The following TMEM87A variants were observed in gnomAD, a reference collection of about 807,000 sequenced individuals.
TMEM87A encodes Golgi-pH regulating cation channel.
Under a neutral mutation model 90.0 loss-of-function variants are expected in TMEM87A, and 50 were observed. That is an observed-to-expected ratio of 0.56 (90% CI 0.44 to 0.70). The LOEUF (loss-of-function observed/expected upper bound fraction) is 0.70. Ranked by LOEUF, TMEM87A falls within the 30% of genes least tolerant of loss-of-function variation. The probability of loss-of-function intolerance (pLI) is 0.00; values close to 1 mark genes in which losing one functional copy is unlikely to be tolerated. For missense variants in TMEM87A, 577 were observed against 660.5 expected, an observed-to-expected ratio of 0.87 and a Z score of 1.39; for synonymous variants, 226 against 226.7, an observed-to-expected ratio of 1.00 and a Z score of 0.03.
At chr15:42,212,908 G>C (rs1471405612) in intron 19 of TMEM87A, among the ~76,000 whole-genome samples, 1 of 152,184 alleles carries the variant, frequency 6.6e-6, no homozygotes, top group African/African-American at 2.4e-5. Flanking sequence ...TGGAGAAAGT[G>C]ATGTCAGCAA....
chr15:42,211,022 T>C lies in TMEM87A; in HGVS notation c.*686A>G, dbSNP rs2050275222. 6.6e-6 allele frequency: 1 copy of C among 152,656 alleles called. No individual in the cohort carries two copies. Among genetic ancestry groups the C allele is most frequent in the South Asian group, 2.1e-4 (1 of 4,832 alleles). The allele number at this position is 152,656 out of a possible 1,614,324, so 9.5% of individuals were successfully genotyped here. On this transcript the variant is annotated 3_prime_UTR_variant, in exon 20 of 20. Coordinates refer to ENST00000389834, the MANE Select transcript of TMEM87A (RefSeq NM_015497.5). ...GCAGATGTCAAAAGAGTTAAGCTAA[T>C]ATTTCTCTTTAAAGTACATCTGAAA...
chr15:42,256,121 T>A (rs1407623135), intron 6 of TMEM87A, among the ~76,000 whole-genome samples: 2 of 152,056 alleles, frequency 1.3e-5, no homozygotes, highest in East Asian at 3.9e-4. Flanking sequence ...TGAAATAGGA[T>A]GGAGGTACTG....
intron 15 of TMEM87A, among the ~76,000 whole-genome samples, chr15:42,222,696 T>C (rs138647551): frequency 0.017 from 2,533 of 152,120 alleles, 73 homozygotes; most frequent in African/African-American, 0.059. Flanking sequence ...GTAGCTGGGA[T>C]GACAGGCGCC....
intron 6 of TMEM87A, 122 bp downstream of exon 6, chr15:42,260,836 T>C (rs1205487911): frequency 2.2e-5 from 24 of 1,087,156 alleles, no homozygotes; most frequent in Middle Eastern, 2.7e-4. Context: ...TTTTGGTCTA[T>C]AGCTTCCAGA....
At chr15:42,244,191 A>G (rs2050927195) in intron 6 of TMEM87A, 24 bp from the exon 7 acceptor site, 1 of 1,446,830 alleles carries the variant, frequency 6.9e-7, no homozygotes, top group African/African-American at 1.5e-5. Flanking sequence ...AGGGCATCAC[A>G]TCTATAAATC....
intron 11 of TMEM87A, 139 bp downstream of exon 11, chr15:42,233,074 A>G: frequency 3.2e-6 from 2 of 619,158 alleles, no homozygotes; most frequent in Non-Finnish European, 2.8e-6. Context: ...CATGAACTAT[A>G]CATATATTTT....
chr15:42,213,990 AAAGT>A (rs776498793), intron 19 of TMEM87A, among the ~76,000 whole-genome samples: 2 of 152,254 alleles, frequency 1.3e-5, no homozygotes, highest in South Asian at 2.1e-4. Flanking sequence ...ATGCATGAAC[AAAGT>A]AAGAATTTCA....
chr15:42,220,216 T>C lies in TMEM87A; in HGVS notation c.1404-81A>G, dbSNP rs1595707166. 12 of 935,948 alleles carry C rather than the reference T, an allele frequency of 1.3e-5. No individual in the cohort carries two copies. The East Asian group carries it at 2.9e-4, about 23-fold the overall frequency. 58.0% of individuals were successfully genotyped at this position (935,948 alleles called of 1,614,324 possible). A position where few individuals can be genotyped will look rare whatever the true frequency, so the allele number is the denominator to read the frequency against. On this transcript the variant is annotated intron_variant, in intron 15 of 19. Transcript: ENST00000389834. ...TACCAGTTGCATTTTACAAAACTAATTATTGAAACTGCAATTATAGTAATT... is the reference window on the plus strand; with the variant it reads ...TACCAGTTGCATTTTACAAAACTAACTATTGAAACTGCAATTATAGTAATT...
At chr15:42,240,531 G>A (rs1340454120) in intron 7 of TMEM87A, among the ~76,000 whole-genome samples, 1 of 152,150 alleles carries the variant, frequency 6.6e-6, no homozygotes, top group Non-Finnish European at 1.5e-5. Flanking sequence ...TAAAGTAACA[G>A]TAATAACATA....
chr15:42,219,889 C>A (rs2050443471), intron 16 of TMEM87A, among the ~76,000 whole-genome samples, 173 bp downstream of exon 16: 1 of 152,120 alleles, frequency 6.6e-6, no homozygotes, highest in Non-Finnish European at 1.5e-5. Flanking sequence ...ACTTAATGTG[C>A]AATTACTTAC....
chr15:42,259,614 G>T (rs948130884), intron 6 of TMEM87A, among the ~76,000 whole-genome samples: 3 of 152,086 alleles, frequency 2.0e-5, no homozygotes, highest in African/African-American at 7.2e-5. Context: ...GAGGCTGATT[G>T]GAAACTTAAA....
intron 8 of TMEM87A, among the ~76,000 whole-genome samples, chr15:42,238,110 T>TA (rs2050808826): frequency 6.6e-6 from 1 of 152,038 alleles, no homozygotes; most frequent in African/African-American, 2.4e-5. Context: ...ATGGTATATA[T>TA]AGAGAGCACT....
intron 10 of TMEM87A, among the ~76,000 whole-genome samples, chr15:42,234,888 C>T (rs565286716): frequency 6.6e-6 from 1 of 152,274 alleles, no homozygotes; most frequent in East Asian, 1.9e-4. Flanking sequence ...TTTCTACCCA[C>T]CTCACTGGTC....
chr15:42,239,556 T>C, intron 8 of TMEM87A, 114 bp downstream of exon 8: 1 of 904,916 alleles, frequency 1.1e-6, no homozygotes, highest in Non-Finnish European at 1.8e-6. Flanking sequence ...ACAAGCAACA[T>C]TTTCTGAATT....
chr15:42,254,936 G>A (rs2051149181), intron 6 of TMEM87A, among the ~76,000 whole-genome samples: 1 of 151,252 alleles, frequency 6.6e-6, no homozygotes, highest in Admixed American at 6.6e-5. Context: ...TAAGTGTATA[G>A]GTATAGACAC....
intron 6 of TMEM87A, chr15:42,258,126 T>C (rs1408378448): frequency 5.1e-6 from 5 of 977,534 alleles, no homozygotes; most frequent in East Asian, 1.1e-4. Context: ...ATTGAACAAA[T>C]TGCAATGTAC....
At chr15:42,228,156 G>A (rs2050629516) in intron 13 of TMEM87A, among the ~76,000 whole-genome samples, 1 of 151,424 alleles carries the variant, frequency 6.6e-6, no homozygotes, top group African/African-American at 2.4e-5. Flanking sequence ...CTGGTCAGAT[G>A]AAAAAAAATG....
At chr15:42,270,305 G>A (rs1047649527) in intron 2 of TMEM87A, among the ~76,000 whole-genome samples, 44 of 152,082 alleles carry the variant, frequency 2.9e-4, no homozygotes, top group Admixed American at 2.5e-3. Context: ...AGGAAGCAGA[G>A]GTTACAGTGA....
Position 42,273,375 on chromosome 15 carries a change from C to A in TMEM87A, c.24G>T (p.Gln8His). The A allele has an allele frequency of 6.2e-7, 1 of 1,614,072 alleles. No individual in the cohort carries two copies. Among genetic ancestry groups the A allele is most frequent in the Non-Finnish European group, 8.5e-7 (1 of 1,180,024 alleles). Residue 8 changes from glutamine (Q) to histidine (H), a missense_variant, in exon 1 of 20, where the codon CAG (glutamine) becomes CAT (histidine). Transcript: ENST00000389834. MAAAAWL[Q>H]VLPVILLLLG... ...GAAGCAGAAGAATGACAGGCAACAC[C>A]TGAAGCCACGCAGCCGCCGCCATCT...
Sources: gnomAD v4.1 joint callset for allele counts (sites outside exome capture counted in the v4.1 genomes callset) on GRCh38, gnomAD v4.1.1 for gene constraint, MANE v1.5 for transcripts, NCBI Gene and HGNC (gene_info 2026-07-23, HGNC 2026-07-21) for gene names.